Variants in ABCD3 observed in about 807,000 individuals in gnomAD.
ABCD3 encodes ATP binding cassette subfamily D member 3.
ABCD3 carries 41 observed loss-of-function variants against 105.5 expected under a neutral mutation model. The observed-to-expected ratio is 0.39, with a 90% CI of 0.30 to 0.50. ABCD3 has a LOEUF of 0.50. ABCD3 is among the 20% of genes least tolerant of loss of function. The probability of loss-of-function intolerance (pLI) is 0.84; values close to 1 mark genes in which losing one functional copy is unlikely to be tolerated. For missense variants in ABCD3, 622 were observed against 806.3 expected (o/e 0.77, Z 2.77); for synonymous variants, 258 against 269.0 (o/e 0.96, Z 0.40).
the ABCD3 span, among the ~76,000 whole-genome samples, chr1:94,398,079 G>T: frequency 1.4e-4 from 21 of 151,940 alleles, no homozygotes; most frequent in Non-Finnish European, 2.9e-4. Context: ...TATCAGTATA[G>T]ACTAATGAAT....
chr1:94,386,023 G>C, the ABCD3 span, among the ~76,000 whole-genome samples: 1 of 151,406 alleles, frequency 6.6e-6, no homozygotes, highest in African/African-American at 2.4e-5. Context: ...TTTAGAATCT[G>C]TTTCTTTCTT....
At chr1:94,508,041 G>C (rs1418604487) in intron 21 of ABCD3, among the ~76,000 whole-genome samples, 2 of 149,750 alleles carry the variant, frequency 1.3e-5, no homozygotes, top group African/African-American at 4.9e-5. Flanking sequence ...ATTGCTTTTG[G>C]TGTTTTAGAC....
chr1:94,467,185 T>C (rs1375030232), intron 3 of ABCD3, among the ~76,000 whole-genome samples: 1 of 152,190 alleles, frequency 6.6e-6, no homozygotes, highest in Non-Finnish European at 1.5e-5. Flanking sequence ...GTACCATAGT[T>C]CATATGATTT....
rs749980366 is a variant in ABCD3, at chr1:94,418,532, C to G, written c.54C>G (p.Ala18=). The change falls in exon 1 of 23, where the codon GCC becomes GCG. Residue 18 remains alanine (A), a synonymous_variant. Transcript: ENST00000370214. ...LTARNSSLAG[A]AFLLLCLLHK... ...CGCGAAACTCCTCGCTGGCTGGTGC[C>G]GCGTTCCTGCTGCTCTGCCTGCTCC... 3 of 1,605,458 alleles carry G rather than the reference C, an allele frequency of 1.9e-6. No homozygotes were observed. The highest frequency in any genetic ancestry group is 2.5e-6 in the Non-Finnish European group (3 of 1,179,272).
In ABCD3 at chr1:94,418,474, G is replaced by T; in HGVS notation, c.-5G>T. 2 of 1,595,630 alleles carry T rather than the reference G, an allele frequency of 1.3e-6. No individual in the cohort carries two copies. The highest frequency in any genetic ancestry group is 8.5e-7 in the Non-Finnish European group (1 of 1,175,926). On this transcript the variant is annotated 5_prime_UTR_variant, in exon 1 of 23. Coordinates refer to ENST00000370214, the MANE Select transcript of ABCD3 (RefSeq NM_002858.4). ...CCTCGCCGGCTCGCTGGTACCGGCA[G>T]TGCCATGGCGGCCTTCAGCAAGTAC...
At chr1:94,442,175 A>G (rs967336965) in intron 1 of ABCD3, among the ~76,000 whole-genome samples, 1 of 152,214 alleles carries the variant, frequency 6.6e-6, no homozygotes, top group African/African-American at 2.4e-5. Context: ...TCAGTGTATT[A>G]TTCTAGCAGA....
At position 94,446,194 on chromosome 1, in the gene ABCD3, G is replaced by T. The variant is rs377643730; in HGVS notation, c.111-12413G>T. Among the ~76,000 whole-genome samples the T allele has an allele frequency of 2.9e-4, 44 of 152,336 alleles. No individual in the cohort carries two copies. The South Asian group carries it at 3.7e-3, about 13-fold the overall frequency. On this transcript the variant is annotated intron_variant, in intron 1 of 22. Transcript: ENST00000370214. ...GATAAAGATGGGAACCCAATTTCGGGCCCCATTCCAAATGGGAGCATTTCC... is the reference window on the plus strand; with the variant it reads ...GATAAAGATGGGAACCCAATTTCGGTCCCCATTCCAAATGGGAGCATTTCC...
chr1:94,390,823 A>G, the ABCD3 span, among the ~76,000 whole-genome samples: 1 of 152,218 alleles, frequency 6.6e-6, no homozygotes, highest in Non-Finnish European at 1.5e-5. Context: ...AGAAATAGCC[A>G]AAGGTTAGAT....
intron 10 of ABCD3, among the ~76,000 whole-genome samples, chr1:94,485,800 AT>A (rs1306733793): frequency 2.0e-5 from 3 of 152,188 alleles, no homozygotes; most frequent in African/African-American, 7.2e-5. Context: ...ATGTACACAT[AT>A]TTTTTTCTTG....
chr1:94,399,552 A>C, the ABCD3 span, among the ~76,000 whole-genome samples: 1 of 152,214 alleles, frequency 6.6e-6, no homozygotes, highest in African/African-American at 2.4e-5. Context: ...CCAAAGATTA[A>C]AATTACACAG....
chr1:94,496,694 G>GGTTTTTTT (rs1302104709), intron 16 of ABCD3, among the ~76,000 whole-genome samples: 7 of 39,368 alleles, frequency 1.8e-4, no homozygotes, highest in Non-Finnish European at 2.5e-4. Flanking sequence ...CCTTGTTTCT[G>GGTTTTTTT]TTTTTTTTTT....
intron 1 of ABCD3, among the ~76,000 whole-genome samples, chr1:94,452,199 G>C (rs1647291936): frequency 6.6e-6 from 1 of 152,140 alleles, no homozygotes; most frequent in East Asian, 1.9e-4. Context: ...GGACCATTCT[G>C]GGCAAACTTA....
At chr1:94,443,812 T>A (rs1171035411) in intron 1 of ABCD3, among the ~76,000 whole-genome samples, 1 of 152,116 alleles carries the variant, frequency 6.6e-6, no homozygotes, top group East Asian at 1.9e-4. Context: ...TATTTCAGGG[T>A]TCTGTATTGT....
intron 20 of ABCD3, among the ~76,000 whole-genome samples, chr1:94,501,824 G>C (rs1211061162): frequency 6.6e-6 from 1 of 151,760 alleles, no homozygotes; most frequent in Non-Finnish European, 1.5e-5. Context: ...CTTTACCAGA[G>C]ATACCACTGT....
intron 19 of ABCD3, 38 bp from the exon 20 acceptor site, chr1:94,499,457 A>G (rs1238917771): frequency 1.3e-6 from 2 of 1,598,412 alleles, no homozygotes; most frequent in Non-Finnish European, 1.7e-6. Flanking sequence ...GTTGGCTTAT[A>G]TTAAGTTTAA....
the ABCD3 span, among the ~76,000 whole-genome samples, chr1:94,393,318 G>A: frequency 6.6e-6 from 1 of 151,780 alleles, no homozygotes; most frequent in African/African-American, 2.4e-5. Flanking sequence ...GAGAGAGGGA[G>A]AAGGAGGAAG....
chr1:94,509,111 T>G (rs1007813817), intron 21 of ABCD3, among the ~76,000 whole-genome samples: 1 of 152,186 alleles, frequency 6.6e-6, no homozygotes, highest in African/African-American at 2.4e-5. Flanking sequence ...AGTATGATAT[T>G]GGCTGTGGGT....
In ABCD3 at chr1:94,489,721, T is replaced by G. The variant is rs778996968; in HGVS notation, c.1158-4T>G. The G allele has an allele frequency of 5.6e-6, 9 of 1,609,812 alleles. No homozygotes were observed. The highest frequency in any genetic ancestry group is 7.6e-6 in the Non-Finnish European group (9 of 1,176,776). Reference sequence around the variant, plus strand: ...GATTATGGTTTCCTTTTCTAAAATTTTAGTTTTACTGCTCGGATTACAGAA... The same window carrying G: ...GATTATGGTTTCCTTTTCTAAAATTGTAGTTTTACTGCTCGGATTACAGAA... On this transcript the variant is annotated splice_region_variant and splice_polypyrimidine_tract_variant and intron_variant, in intron 13 of 22. Transcript: ENST00000370214.
chr1:94,425,456 C>T (rs890765421), intron 1 of ABCD3, among the ~76,000 whole-genome samples: 6 of 152,282 alleles, frequency 3.9e-5, no homozygotes, highest in Admixed American at 3.9e-4. Context: ...AGGATCTAGA[C>T]TGTCTCTGGA....
Sources: gnomAD v4.1 joint callset for allele counts (sites outside exome capture counted in the v4.1 genomes callset) on GRCh38, gnomAD v4.1.1 for gene constraint, MANE v1.5 for transcripts, NCBI Gene and HGNC (gene_info 2026-07-23, HGNC 2026-07-21) for gene names.